CTBP1: variants seen among roughly 807,000 people sequenced by gnomAD.
The protein encoded by CTBP1 is C-terminal binding protein 1.
CTBP1 carries 11 observed loss-of-function variants against 42.1 expected under a neutral mutation model. The ratio of observed to expected loss-of-function variants is 0.26; its 90% CI spans 0.16 to 0.43. The LOEUF is 0.43. Among genes scored for constraint, CTBP1 ranks in the 20% least tolerant of loss-of-function variants. The pLI is 1.00. For missense variants in CTBP1, 399 were observed against 624.3 expected (o/e 0.64, Z 3.85); for synonymous variants, 324 against 277.1 (o/e 1.17, Z -1.68).
At chr4:1,226,361 G>A (rs1177453451) in intron 4 of CTBP1, among the ~76,000 whole-genome samples, 3 of 152,138 alleles carry the variant, frequency 2.0e-5, no homozygotes, top group Admixed American at 6.5e-5. Flanking sequence ...GGAGGAGGGG[G>A]CAGGAGGCCA....
intron 4 of CTBP1, among the ~76,000 whole-genome samples, chr4:1,226,642 A>C (rs561857138): frequency 6.6e-6 from 1 of 151,258 alleles, no homozygotes; most frequent in East Asian, 2.0e-4. Context: ...AACAGAGCCC[A>C]GGCCTGGGAA....
Position 1,211,903 on chromosome 4 carries a change from C to A in CTBP1, c.*337G>T. On this transcript the variant is annotated 3_prime_UTR_variant, in exon 10 of 10. Transcript: ENST00000382952. The stretch of plus-strand genomic sequence containing the variant: ...AACAAAAAAAAAAACCTCAAATTGA[C>A]TTCCAAATGCTCCTTCAGGTTTTCT... The A allele has an allele frequency of 1.1e-4, 20 of 185,328 alleles. No individual in the cohort carries two copies. Among genetic ancestry groups the A allele is most frequent in the East Asian group, 2.6e-4 (2 of 7,684 alleles). 11.5% of individuals were successfully genotyped at this position (185,328 alleles called of 1,614,324 possible). A position where few individuals can be genotyped will look rare whatever the true frequency, so the allele number is the denominator to read the frequency against.
rs778027768 is a variant in CTBP1 at position 1,216,077 on chromosome 4, G to C, written c.643C>G (p.Leu215Val). 2.5e-6 allele frequency: 4 copies of C among 1,611,482 alleles called. No individual in the cohort carries two copies. Among genetic ancestry groups the C allele is most frequent in the African/African-American group, 2.7e-5 (2 of 74,886 alleles). ...GLQRVSTLQD[L>V]LFHSDCVTLH... is the part of the protein sequence containing the mutation. ...GTCACGCAGTCGCTGTGGAAGAGCA[G>C]GTCCTGCAGGGTGCTGACACGCTGC... The change falls in exon 6 of 10, where the codon CTG becomes GTG. Residue 215 changes from leucine to valine, a missense_variant. By Grantham distance (32) the Leu-to-Val change is conservative. Around this residue, in one of 4 missense-constraint regions of CTBP1, gnomAD observed 309 missense variants for 497.5 expected, o/e 0.62. Coordinates refer to ENST00000382952, the MANE Select transcript of CTBP1 (RefSeq NM_001012614.2).
intron 5 of CTBP1, chr4:1,216,481 C>T: frequency 3.5e-6 from 2 of 575,850 alleles, no homozygotes; most frequent in Non-Finnish European, 6.2e-6. Flanking sequence ...CACTCCCCTG[C>T]AGCCTGTCCA....
At chr4:1,241,776 G>T in intron 1 of CTBP1, 11 of 1,189,876 alleles carry the variant, frequency 9.2e-6, no homozygotes, top group Non-Finnish European at 1.1e-5. Flanking sequence ...CCTACTCCTG[G>T]GAACAGTCCC....
chr4:1,243,699 G>A (rs981599966), intron 1 of CTBP1: 8 of 985,336 alleles, frequency 8.1e-6, no homozygotes, highest in Admixed American at 6.1e-5. Context: ...GGCCTCCTAC[G>A]GCCTTCCTGG....
chr4:1,245,640 T>C (rs1167898988), intron 1 of CTBP1: 2 of 964,320 alleles, frequency 2.1e-6, no homozygotes, highest in Non-Finnish European at 1.2e-6. Context: ...CAGAGTGGCA[T>C]GGACGGGCAG....
At chr4:1,215,554 G>A in intron 6 of CTBP1, 2 of 250,734 alleles carry the variant, frequency 8.0e-6, no homozygotes, top group South Asian at 9.1e-5. Context: ...AGCTGCAGAT[G>A]TCAGAGGCCG....
Position 1,228,319 on chromosome 4 carries a change from G to A in CTBP1, c.187C>T (p.Leu63=). The A allele has an allele frequency of 6.2e-7, 1 of 1,614,034 alleles. No individual in the cohort carries two copies. The highest frequency in any genetic ancestry group is 8.5e-7 in the Non-Finnish European group (1 of 1,179,944). ...EKVLNEAVGA[L]MYHTITLTRE... is the part of the protein sequence containing the mutation. ...GTGAGAGTGATGGTGTGGTACATCA[G>A]GGCCCCCACAGCCTCGTTCAGGACC... is the stretch of plus-strand genomic sequence containing the variant. Residue 63 remains leucine (L), a synonymous_variant, in exon 4 of 10, where the codon CTG becomes TTG. Coordinates refer to ENST00000382952, the MANE Select transcript of CTBP1 (RefSeq NM_001012614.2).
Position 1,228,207 on chromosome 4 carries a change from C to A in CTBP1, c.299G>T (p.Gly100Val). 1 of 1,614,130 alleles carries A rather than the reference C, an allele frequency of 6.2e-7. No homozygotes were observed. Among genetic ancestry groups the A allele is most frequent in the African/African-American group, 1.3e-5 (1 of 75,046 alleles). The stretch of plus-strand genomic sequence containing the variant: ...ACTCGGAGCCGGCCTACCTAAATCC[C>A]CGGCCGACTTGATGTCGATGTTGTC... ...GFDNIDIKSA[G>V]DLGIAVCNVP... The change falls in exon 4 of 10, where the codon GGG (glycine) becomes GTG (valine). Residue 100 changes from glycine (G) to valine (V), a missense_variant. By Grantham distance (109) the Gly-to-Val change is moderately radical. This residue lies in a region of CTBP1 where 309 missense variants were observed against 497.5 expected (regional missense o/e 0.62). Transcript: ENST00000382952.
intron 1 of CTBP1, 39 bp downstream of exon 1, chr4:1,248,877 C>T (rs1733063127): frequency 1.0e-6 from 1 of 962,712 alleles, no homozygotes. Context: ...CCGCCCCGCC[C>T]CCGCCCGCGG....
intron 3 of CTBP1, among the ~76,000 whole-genome samples, chr4:1,232,212 T>C (rs1348008671): frequency 6.6e-6 from 1 of 152,184 alleles, no homozygotes; most frequent in Admixed American, 6.5e-5. Flanking sequence ...CAGCTCTGAG[T>C]GTTATCAGAC....
chr4:1,214,094 T>C (rs1234663849), intron 7 of CTBP1: 1 of 515,064 alleles, frequency 1.9e-6, no homozygotes, highest in Non-Finnish European at 3.3e-6. Flanking sequence ...CTCTCCTGGT[T>C]GGTCAGGAGC....
intron 6 of CTBP1, among the ~76,000 whole-genome samples, chr4:1,215,310 C>T (rs965839476): frequency 3.9e-5 from 6 of 152,268 alleles, no homozygotes; most frequent in Non-Finnish European, 5.9e-5. Flanking sequence ...GCCTCTGACA[C>T]GTGTGTACAC....
At chr4:1,217,498 G>C (rs777920025) in intron 5 of CTBP1, 3 of 152,412 alleles carry the variant, frequency 2.0e-5, no homozygotes, top group Non-Finnish European at 4.4e-5. Flanking sequence ...ACCAAATGGG[G>C]AGGAAGAGAA....
rs778027768 is a variant in CTBP1, at chr4:1,216,077, G to T, written c.643C>A (p.Leu215Met). The change falls in exon 6 of 10, where the codon CTG becomes ATG. Residue 215 changes from leucine to methionine, a missense_variant. Around this residue, in one of 4 missense-constraint regions of CTBP1, gnomAD observed 309 missense variants for 497.5 expected, o/e 0.62. Coordinates refer to ENST00000382952, the MANE Select transcript of CTBP1 (RefSeq NM_001012614.2). ...GLQRVSTLQD[L>M]LFHSDCVTLH... ...GTCACGCAGTCGCTGTGGAAGAGCAGGTCCTGCAGGGTGCTGACACGCTGC... is the reference window on the plus strand; with the variant it reads ...GTCACGCAGTCGCTGTGGAAGAGCATGTCCTGCAGGGTGCTGACACGCTGC... The T allele has an allele frequency of 1.2e-6, 2 of 1,611,600 alleles. No homozygotes were observed. Among genetic ancestry groups the T allele is most frequent in the Admixed American group, 3.3e-5 (2 of 60,004 alleles).
At position 1,235,688 on chromosome 4, in the gene CTBP1, C is replaced by T. The variant is rs1032046777; in HGVS notation, c.162+2495G>A. 4 of 152,076 alleles carry T rather than the reference C, an allele frequency of 2.6e-5. No homozygotes were observed. Among genetic ancestry groups the T allele is most frequent in the Admixed American group, 6.5e-5 (1 of 15,276 alleles). The allele number at this position is 152,076 out of a possible 1,614,324, so 9.4% of individuals were successfully genotyped here. On this transcript the variant is annotated intron_variant, in intron 3 of 9. Transcript: ENST00000382952. The surrounding 1 kb of genome is among the most constrained non-coding windows in gnomAD (Gnocchi z 4.2). ...GGGGGCTGGGCTGGGGTGATCGGCT[C>T]GTGGGCAGCACGGGGAGCTCCTGCG...
intron 3 of CTBP1, chr4:1,237,982 G>C: frequency 2.7e-6 from 2 of 751,760 alleles, no homozygotes; most frequent in Non-Finnish European, 4.7e-6. Flanking sequence ...TGGGGCTCAG[G>C]GCAAACCCGA....
chr4:1,225,878 G>A (rs999871639), intron 4 of CTBP1, among the ~76,000 whole-genome samples: 3 of 151,834 alleles, frequency 2.0e-5, no homozygotes, highest in Non-Finnish European at 4.4e-5. Context: ...GGCAGCCCAG[G>A]AAGAGACAAG....
Sources: gnomAD v4.1 joint callset for allele counts (sites outside exome capture counted in the v4.1 genomes callset) on GRCh38, gnomAD v4.1.1 for gene constraint, gnomAD v4.1.1 regional missense constraint, Gnocchi (gnomAD v3.1) non-coding constraint, MANE v1.5 for transcripts, NCBI Gene and HGNC (gene_info 2026-07-23, HGNC 2026-07-21) for gene names.